The following SPOCD1 variants were observed in gnomAD, a reference collection of about 807,000 sequenced individuals.
SPOCD1 encodes SPOC domain-containing protein 1.
Under a neutral mutation model 92.2 loss-of-function variants are expected in SPOCD1, and 64 were observed. The ratio of observed to expected loss-of-function variants is 0.69; its 90% CI spans 0.57 to 0.86. SPOCD1 has a LOEUF of 0.86. Ranked by LOEUF, SPOCD1 falls within the 40% of genes least tolerant of loss-of-function variation. The pLI is 0.00. For synonymous variants in SPOCD1, 578 were observed against 619.3 expected (o/e 0.93, Z 0.99); for missense variants, 1,360 against 1,543.1 (o/e 0.88, Z 1.99).
chr1:31,806,671 G>C (rs981530487), intron 2 of SPOCD1, among the ~76,000 whole-genome samples: 1 of 151,662 alleles, frequency 6.6e-6, no homozygotes, highest in Non-Finnish European at 1.5e-5. Context: ...TCAGCCTCCT[G>C]AGTGGCTTGG....
Position 31,791,292 on chromosome 1 carries a change from C to T in SPOCD1, c.2963-1G>A, listed in dbSNP as rs1251676724. 3.3e-6 allele frequency: 5 copies of T among 1,513,544 alleles called. No homozygotes were observed. Among genetic ancestry groups the T allele is most frequent in the Non-Finnish European group, 4.4e-6 (5 of 1,130,616 alleles). The allele number at this position is 1,513,544 out of a possible 1,614,324, so 93.8% of individuals were successfully genotyped here. On this transcript the variant is annotated splice_acceptor_variant, in intron 15 of 15. Coordinates refer to ENST00000360482, the MANE Select transcript of SPOCD1 (RefSeq NM_144569.7). LOFTEE classifies it high-confidence loss of function. ...GGGGAGACAGGAAGAGCCCAAAGGC[C>T]TGCGGGGAAGAACTGTGTTCAGCTT... is the stretch of plus-strand genomic sequence containing the variant.
chr1:31,801,652 G>A lies in SPOCD1; in HGVS notation c.1425+12C>T, dbSNP rs1267210668. On this transcript the variant is annotated intron_variant, in intron 3 of 15. Coordinates refer to ENST00000360482, the MANE Select transcript of SPOCD1 (RefSeq NM_144569.7). ...GGAGAAAGAAAAGCAATAATAAAAT[G>A]TAAAAACCTACGTAGCACACAAGCT... 5.6e-6 allele frequency: 9 copies of A among 1,612,994 alleles called. No homozygotes were observed.
At chr1:31,804,437 GACTA>G (rs1648675855) in intron 2 of SPOCD1, among the ~76,000 whole-genome samples, 1 of 152,108 alleles carries the variant, frequency 6.6e-6, no homozygotes, top group Non-Finnish European at 1.5e-5. Context: ...ATGGCAATTA[GACTA>G]ACAGCTACTT....
In SPOCD1 at chr1:31,790,667, C is replaced by T. The variant is rs1402560446; in HGVS notation, c.3587G>A (p.Arg1196His). The T allele has an allele frequency of 8.4e-6, 13 of 1,551,856 alleles. No individual in the cohort carries two copies. Among genetic ancestry groups the T allele is most frequent in the East Asian group, 7.3e-5 (3 of 40,974 alleles). Reference protein sequence around the residue: ...LAAPEPPGPARDSSLGPTDEA... With the variant: ...LAAPEPPGPAHDSSLGPTDEA... ...ATCTGTAGGCCCCAAAGAGGAGTCA[C>T]GGGCTGGGCCAGGGGGCTCTGGAGC... Residue 1196 changes from arginine (R) to histidine (H), a missense_variant, in exon 16 of 16, where the codon CGT (arginine) becomes CAT (histidine). Physicochemically the swap from Arg to His is conservative, Grantham distance 29. Around this residue, in one of 3 missense-constraint regions of SPOCD1, gnomAD observed 614 missense variants for 757.8 expected, o/e 0.81. Transcript: ENST00000360482.
chr1:31,796,346 G>A (rs1329954846), intron 10 of SPOCD1: 2 of 596,394 alleles, frequency 3.4e-6, no homozygotes, highest in Non-Finnish European at 6.0e-6. Context: ...CTCATGTGGG[G>A]GCCTTGGGGT....
At position 31,791,139 on chromosome 1, in the gene SPOCD1, A is replaced by G; in HGVS notation, c.3115T>C (p.Phe1039Leu). The G allele has an allele frequency of 3.1e-6, 5 of 1,613,120 alleles. No homozygotes were observed. Among genetic ancestry groups the G allele is most frequent in the Non-Finnish European group, 4.2e-6 (5 of 1,179,820 alleles). Reference protein sequence around the residue: ...WLGKVQKMVSFNSKVEKRYYQ... With the variant: ...WLGKVQKMVSLNSKVEKRYYQ... ...TATCTCTTCTCCACCTTACTGTTGA[A>G]GGAGACCATCTTTTGAACCTTCCCC... Residue 1039 changes from phenylalanine to leucine, a missense_variant, in exon 16 of 16, where the codon TTC becomes CTC. Physicochemically the swap from Phe to Leu is conservative, Grantham distance 22 (BLOSUM62 0). Coordinates refer to ENST00000360482, the MANE Select transcript of SPOCD1 (RefSeq NM_144569.7).
At chr1:31,793,532 C>T (rs1224680558) in intron 12 of SPOCD1, 104 bp from the exon 13 acceptor site, 2 of 1,516,604 alleles carry the variant, frequency 1.3e-6, no homozygotes, top group African/African-American at 2.8e-5. Flanking sequence ...ACTGTGGGGA[C>T]TGGAACACTG....
intron 10 of SPOCD1, chr1:31,794,480 C>A (rs957872973): frequency 2.2e-5 from 7 of 313,774 alleles, no homozygotes; most frequent in Non-Finnish European, 3.4e-5. Flanking sequence ...CCTTTACAAT[C>A]TTTTTCTTTT....
Position 31,809,046 on chromosome 1 carries a change from G to A in SPOCD1, c.1383+4905C>T, listed in dbSNP as rs572176373. On this transcript the variant is annotated intron_variant, in intron 2 of 15. Coordinates refer to ENST00000360482, the MANE Select transcript of SPOCD1 (RefSeq NM_144569.7). ...TCTACTAAAAATACACAAATTACCC[G>A]GGCATGGTGGCGGGTACCTGTAATC... is the stretch of plus-strand genomic sequence containing the variant. Among the ~76,000 whole-genome samples, 13 of 151,016 alleles carry A rather than the reference G, an allele frequency of 8.6e-5. No homozygotes were observed. The South Asian group carries it at 1.9e-3, about 22-fold the overall frequency.
In SPOCD1 at chr1:31,793,769, A is replaced by G. The variant is rs772683448; in HGVS notation, c.2512T>C (p.Ser838Pro). Residue 838 changes from serine to proline, a missense_variant, in exon 12 of 16, where the codon TCT becomes CCT. Physicochemically the swap from Ser to Pro is moderately conservative, Grantham distance 74. Around this residue, in one of 3 missense-constraint regions of SPOCD1, gnomAD observed 614 missense variants for 757.8 expected, o/e 0.81. Coordinates refer to ENST00000360482, the MANE Select transcript of SPOCD1 (RefSeq NM_144569.7). ...APEMPKTREL[S>P]PTEPQDRVPP... The stretch of plus-strand genomic sequence containing the variant: ...CACCTGTCCTGTGGTTCCGTGGGAG[A>G]CAACTCCCTGGTTTTGGGCATCTCT... The G allele has an allele frequency of 6.2e-7, 1 of 1,614,106 alleles. No homozygotes were observed.
chr1:31,808,985 T>G (rs1295691696), intron 2 of SPOCD1, among the ~76,000 whole-genome samples: 1 of 152,066 alleles, frequency 6.6e-6, no homozygotes, highest in African/African-American at 2.4e-5. Context: ...GGTCAGGAGT[T>G]CAAGACCAGC....
At position 31,799,890 on chromosome 1, in the gene SPOCD1, G is replaced by A. The variant is rs777058368; in HGVS notation, c.1729-27C>T. 15 of 1,614,086 alleles carry A rather than the reference G, an allele frequency of 9.3e-6. No homozygotes were observed. In the East Asian group the frequency reaches 2.9e-4, roughly 31 times the overall value. Reference sequence around the variant, plus strand: ...TGTAGGGGAGGCGTGAGGAATTGAGGCTGTGCTGGTGGGCCTGGCTTCCAG... The same window carrying A: ...TGTAGGGGAGGCGTGAGGAATTGAGACTGTGCTGGTGGGCCTGGCTTCCAG... On this transcript the variant is annotated intron_variant, in intron 5 of 15. Coordinates refer to ENST00000360482, the MANE Select transcript of SPOCD1 (RefSeq NM_144569.7).
At chr1:31,792,472 T>C in intron 14 of SPOCD1, 71 bp from the exon 15 acceptor site, 2 of 1,505,766 alleles carry the variant, frequency 1.3e-6, no homozygotes, top group Non-Finnish European at 1.8e-6. Context: ...CTGGGCTCCC[T>C]GAAACCCCTG....
chr1:31,809,058 G>A (rs894462152), intron 2 of SPOCD1, among the ~76,000 whole-genome samples: 2 of 152,176 alleles, frequency 1.3e-5, no homozygotes, highest in East Asian at 1.9e-4. Flanking sequence ...GCATGGTGGC[G>A]GGTACCTGTA....
intron 2 of SPOCD1, among the ~76,000 whole-genome samples, chr1:31,804,238 T>TC (rs1648663872): frequency 6.6e-6 from 1 of 152,092 alleles, no homozygotes; most frequent in African/African-American, 2.4e-5. Flanking sequence ...TACTGTTATC[T>TC]CCCCCATTTT....
rs1165245055 is a variant in SPOCD1, at chr1:31,794,126, T to C, written c.2381A>G (p.Lys794Arg). 3 of 1,536,510 alleles carry C rather than the reference T, an allele frequency of 2.0e-6. No homozygotes were observed. The highest frequency in any genetic ancestry group is 2.7e-6 in the Non-Finnish European group (3 of 1,119,100). ...ACCCCTCCCGTGTCCCCTCCCACCC[T>C]TGCAGATGTGGCAGTTGGGGTCTAA... is the stretch of plus-strand genomic sequence containing the variant. ...HFLDPNCHIC[K>R]DWEPSNELLG... The change falls in exon 11 of 16, where the codon AAG becomes AGG. Residue 794 changes from lysine (K) to arginine (R), a missense_variant and splice_region_variant. Physicochemically the swap from Lys to Arg is conservative, Grantham distance 26. Around this residue, in one of 3 missense-constraint regions of SPOCD1, gnomAD observed 614 missense variants for 757.8 expected, o/e 0.81. Transcript: ENST00000360482.
intron 2 of SPOCD1, among the ~76,000 whole-genome samples, chr1:31,813,029 T>C (rs1468455450): frequency 6.6e-6 from 1 of 152,202 alleles, no homozygotes; most frequent in African/African-American, 2.4e-5. Flanking sequence ...AAAATGATGA[T>C]GATTATAAGT....
intron 9 of SPOCD1, 120 bp from the exon 10 acceptor site, chr1:31,796,835 T>C (rs1442545385): frequency 1.4e-6 from 2 of 1,416,652 alleles, no homozygotes; most frequent in African/African-American, 2.8e-5. Flanking sequence ...CCTCAAAACT[T>C]TTACTTCCGC....
intron 10 of SPOCD1, 175 bp from the exon 11 acceptor site, chr1:31,794,410 T>G (rs762731602): frequency 2.1e-6 from 1 of 487,672 alleles, no homozygotes; most frequent in Non-Finnish European, 3.6e-6. Context: ...ACTTGAAAAT[T>G]AAAAAGAAAA....
Sources: allele counts gnomAD v4.1 joint callset (sites outside exome capture counted in the v4.1 genomes callset), GRCh38; gene constraint gnomAD v4.1.1; regional missense constraint gnomAD v4.1.1; transcripts MANE v1.5; gene names NCBI Gene and HGNC (gene_info 2026-07-23, HGNC 2026-07-21).